Variants in ULK4 observed in about 807,000 individuals in gnomAD.
The protein encoded by ULK4 is inactive serine/threonine-protein kinase ULK4.
A neutral mutation model predicts 160.6 loss-of-function variants in ULK4; 133 were observed. The observed-to-expected ratio is 0.83, with a 90% CI of 0.72 to 0.96. ULK4 has a LOEUF of 0.96. Ranked by LOEUF, ULK4 falls within the 40% of genes least tolerant of loss-of-function variation. The pLI, the probability that ULK4 is intolerant of heterozygous loss-of-function variation, is 0.00. For synonymous variants in ULK4, 534 were observed against 539.8 expected, an observed-to-expected ratio of 0.99 and a Z score of 0.15; for missense variants, 1,580 against 1,499.5, an observed-to-expected ratio of 1.05 and a Z score of -0.89.
chr3:41,878,881 CAA>C (rs1177110890), intron 17 of ULK4, among the ~76,000 whole-genome samples: 1 of 150,142 alleles, frequency 6.7e-6, no homozygotes, highest in Non-Finnish European at 1.5e-5. Context: ...CCAACTGTGA[CAA>C]ATTCCTATTT....
chr3:41,795,073 G>A (rs576849642), intron 20 of ULK4, among the ~76,000 whole-genome samples: 14 of 152,278 alleles, frequency 9.2e-5, no homozygotes, highest in African/African-American at 2.9e-4. Context: ...CCTACAAGAC[G>A]TGCTCCTGAG....
intron 30 of ULK4, among the ~76,000 whole-genome samples, chr3:41,646,224 A>T (rs1236192344): frequency 6.6e-6 from 1 of 152,106 alleles, no homozygotes; most frequent in Non-Finnish European, 1.5e-5. Flanking sequence ...TGTGAATTTG[A>T]TCCTGTCATT....
intron 32 of ULK4, among the ~76,000 whole-genome samples, chr3:41,546,182 A>C (rs933365601): frequency 3.9e-5 from 6 of 151,922 alleles, no homozygotes; most frequent in African/African-American, 1.5e-4. Flanking sequence ...ACTGTGAATA[A>C]TATGTTGTGG....
At chr3:41,300,661 AC>A (rs1269578819) in intron 35 of ULK4, among the ~76,000 whole-genome samples, 3 of 151,224 alleles carry the variant, frequency 2.0e-5, no homozygotes, top group Admixed American at 6.6e-5. Context: ...CTTCTACAGC[AC>A]CCCCAGATGG....
chr3:41,787,040 G>A (rs996138232), intron 21 of ULK4, among the ~76,000 whole-genome samples: 2 of 152,108 alleles, frequency 1.3e-5, no homozygotes, highest in African/African-American at 2.4e-5. Context: ...CAAGAGAGGG[G>A]CAGCCTGGCA....
intron 35 of ULK4, among the ~76,000 whole-genome samples, chr3:41,297,064 G>T (rs923082554): frequency 6.6e-6 from 1 of 152,150 alleles, no homozygotes; most frequent in Non-Finnish European, 1.5e-5. Flanking sequence ...AGTAAGAGGG[G>T]CTATGTTCTG....
At chr3:41,735,042 AC>A (rs1424863010) in intron 22 of ULK4, among the ~76,000 whole-genome samples, 1 of 152,226 alleles carries the variant, frequency 6.6e-6, no homozygotes, top group African/African-American at 2.4e-5. Context: ...AAAACCTGGC[AC>A]AAAGGTCATG....
At chr3:41,300,579 G>A (rs1228453323) in intron 35 of ULK4, among the ~76,000 whole-genome samples, 1 of 151,916 alleles carries the variant, frequency 6.6e-6, no homozygotes, top group Non-Finnish European at 1.5e-5. Context: ...TGACACACCT[G>A]TGTGAACCTT....
chr3:41,254,513 T>C (rs1036058793), intron 35 of ULK4, among the ~76,000 whole-genome samples: 2 of 152,218 alleles, frequency 1.3e-5, no homozygotes, highest in African/African-American at 4.8e-5. Flanking sequence ...GGGAAATCTA[T>C]AGTACTAAAT....
At chr3:41,507,922 G>A (rs2085449809) in intron 32 of ULK4, among the ~76,000 whole-genome samples, 1 of 152,180 alleles carries the variant, frequency 6.6e-6, no homozygotes, top group African/African-American at 2.4e-5. Flanking sequence ...ATACCAGGAA[G>A]GCTGAGAGCA....
chr3:41,660,862 G>A (rs1282535894), intron 30 of ULK4, among the ~76,000 whole-genome samples: 1 of 151,962 alleles, frequency 6.6e-6, no homozygotes, highest in African/African-American at 2.4e-5. Flanking sequence ...GGAGAGGGGT[G>A]GTAAATAAGT....
intron 31 of ULK4, among the ~76,000 whole-genome samples, chr3:41,592,056 C>G (rs902624276): frequency 1.3e-5 from 2 of 152,138 alleles, no homozygotes; most frequent in Non-Finnish European, 2.9e-5. Flanking sequence ...TCAGAAAAGC[C>G]GAGAGAACCC....
At chr3:41,629,931 A>G (rs1263029501) in intron 30 of ULK4, among the ~76,000 whole-genome samples, 1 of 152,182 alleles carries the variant, frequency 6.6e-6, no homozygotes, top group Non-Finnish European at 1.5e-5. Flanking sequence ...CAGGGAGGTC[A>G]AAGTTGCAGT....
chr3:41,377,155 G>A (rs1204051183), intron 35 of ULK4, among the ~76,000 whole-genome samples: 1 of 152,148 alleles, frequency 6.6e-6, no homozygotes, highest in Non-Finnish European at 1.5e-5. Flanking sequence ...ATGGTGCTGG[G>A]AAAACTGGCT....
chr3:41,682,245 G>A (rs190427139), intron 27 of ULK4, among the ~76,000 whole-genome samples: 88 of 152,200 alleles, frequency 5.8e-4, no homozygotes, highest in Non-Finnish European at 1.1e-3. Context: ...TGACAAGTTC[G>A]TCTTGGTTAT....
intron 21 of ULK4, among the ~76,000 whole-genome samples, chr3:41,774,144 T>G: frequency 6.6e-6 from 1 of 152,082 alleles, no homozygotes; most frequent in East Asian, 1.9e-4. Context: ...GGCATTACCA[T>G]TCAGGACATA....
At chr3:41,958,068 A>G (rs1396134279) in intron 1 of ULK4, among the ~76,000 whole-genome samples, 2 of 151,228 alleles carry the variant, frequency 1.3e-5, no homozygotes, top group Non-Finnish European at 2.9e-5. Context: ...AAAACCTTGT[A>G]CACCTCAAAT....
chr3:41,762,600 A>G (rs1381160197), intron 21 of ULK4, among the ~76,000 whole-genome samples: 1 of 151,628 alleles, frequency 6.6e-6, no homozygotes, highest in Non-Finnish European at 1.5e-5. Context: ...AGGAGAAGCA[A>G]ACCATGTCTT....
chr3:41,530,336 T>G (rs1279792081), intron 32 of ULK4, among the ~76,000 whole-genome samples: 1 of 152,108 alleles, frequency 6.6e-6, no homozygotes, highest in African/African-American at 2.4e-5. Context: ...TTCAGAAAAC[T>G]GAGACGAAAT....
Sources: allele counts gnomAD v4.1 joint callset (sites outside exome capture counted in the v4.1 genomes callset), GRCh38; gene constraint gnomAD v4.1.1; transcripts MANE v1.5; gene names NCBI Gene and HGNC (gene_info 2026-07-23, HGNC 2026-07-21).